Variants in GRIP1 observed in about 807,000 individuals in gnomAD.
The protein encoded by GRIP1 is glutamate receptor interacting protein 1.
GRIP1 carries 45 observed loss-of-function variants against 129.9 expected under a neutral mutation model. The observed-to-expected ratio is 0.35, with a 90% CI of 0.27 to 0.44. The LOEUF (loss-of-function observed/expected upper bound fraction) is 0.44. Ranked by LOEUF, GRIP1 falls within the 20% of genes least tolerant of loss-of-function variation. GRIP1 has a pLI of 1.00. For synonymous variants in GRIP1, 530 were observed against 520.8 expected (o/e 1.02, Z -0.24); for missense variants, 1,196 against 1,396.8 (o/e 0.86, Z 2.29).
chr12:66,553,280 C>T (rs1303384756), intron 2 of GRIP1, among the ~76,000 whole-genome samples: 1 of 152,122 alleles, frequency 6.6e-6, no homozygotes, highest in Non-Finnish European at 1.5e-5. Flanking sequence ...TATCTTCTAG[C>T]CTCACTCTGA....
chr12:66,481,649 G>A (rs930814746), intron 7 of GRIP1, among the ~76,000 whole-genome samples: 6 of 152,142 alleles, frequency 3.9e-5, no homozygotes, highest in African/African-American at 7.2e-5. Flanking sequence ...ATATGTACAC[G>A]TATGTTTCTT....
At chr12:66,749,258 C>T (rs2219872) in intron 1 of GRIP1, among the ~76,000 whole-genome samples, 14,162 of 152,300 alleles carry the variant, frequency 0.093, 807 homozygotes, top group East Asian at 0.18. Context: ...CTAACACCAA[C>T]TGGGCATAAA....
At chr12:66,856,955 A>G (rs905049122) in intron 1 of GRIP1, among the ~76,000 whole-genome samples, 3 of 152,194 alleles carry the variant, frequency 2.0e-5, no homozygotes, top group African/African-American at 7.2e-5. Flanking sequence ...TCACAATAGC[A>G]AAGACTTGGA....
rs1189782841 is a variant in GRIP1 at position 66,437,897 on chromosome 12, G to A, written c.1688-5269C>T. 9.9e-5 allele frequency among the ~76,000 whole-genome samples: 15 copies of A among 152,262 alleles called. No homozygotes were observed. In the East Asian group the frequency reaches 2.9e-3, roughly 29 times the overall value. On this transcript the variant is annotated intron_variant, in intron 13 of 24. Transcript: ENST00000359742. ...AAGAGTCAGTGCAGTGTGATATGGT[G>A]AAGAGAGACTCCAAGTCAACCGACC...
At chr12:66,628,899 C>T (rs565350479) in intron 1 of GRIP1, among the ~76,000 whole-genome samples, 1 of 152,202 alleles carries the variant, frequency 6.6e-6, no homozygotes, top group South Asian at 2.1e-4. Flanking sequence ...TATTTTTTAC[C>T]CCACCAAACT....
intron 1 of GRIP1, among the ~76,000 whole-genome samples, chr12:66,836,421 T>C (rs182496067): frequency 6.6e-6 from 1 of 152,164 alleles, no homozygotes; most frequent in Non-Finnish European, 1.5e-5. Flanking sequence ...AGCAATGACA[T>C]AGTGGCAATT....
chr12:66,742,067 A>C (rs1270418130), intron 1 of GRIP1, among the ~76,000 whole-genome samples: 1 of 152,134 alleles, frequency 6.6e-6, no homozygotes, highest in Admixed American at 6.6e-5. Context: ...TTATACAGTA[A>C]CTAGGTTATT....
intron 1 of GRIP1, among the ~76,000 whole-genome samples, chr12:67,004,316 C>A (rs1250084859): frequency 2.0e-5 from 3 of 152,148 alleles, no homozygotes; most frequent in African/African-American, 7.2e-5. Context: ...CATTTGCAGG[C>A]AGATACTACA....
At chr12:66,864,230 A>C (rs1504312) in intron 1 of GRIP1, among the ~76,000 whole-genome samples, 60,129 of 151,576 alleles carry the variant, frequency 0.4, 12,249 homozygotes, top group East Asian at 0.7. Flanking sequence ...TGTCCTCAAT[A>C]TACACCATGA....
rs957462493 is a variant in GRIP1 at position 66,377,164 on chromosome 12, C to T, written c.2733+10G>A. The stretch of plus-strand genomic sequence containing the variant: ...GAAACAATAAAAGTAAGTAGCAGGA[C>T]CAAGGCTACCTCCAGTTCTCTCAGA... On this transcript the variant is annotated intron_variant, in intron 21 of 24. Transcript: ENST00000359742. 6.3e-7 allele frequency: 1 copy of T among 1,588,330 alleles called. No individual in the cohort carries two copies. The highest frequency in any genetic ancestry group is 1.3e-5 in the African/African-American group (1 of 74,436).
In GRIP1 at chr12:66,935,079, G is replaced by A. The variant is rs568368793; in HGVS notation, c.58+133971C>T. ...TTATTGTTCTCTTGTATCCTCAGCA[G>A]CTACCTCTCTAACAAAGAGATGAAC... On this transcript the variant is annotated intron_variant, in intron 1 of 1. Coordinates refer to the GRIP1 transcript ENST00000643019. Among the ~76,000 whole-genome samples the A allele has an allele frequency of 7.9e-5, 12 of 152,276 alleles. 1 individual carries two copies. The East Asian group carries it at 2.3e-3, about 29-fold the overall frequency.
intron 1 of GRIP1, among the ~76,000 whole-genome samples, chr12:66,616,827 G>A (rs1322701334): frequency 6.6e-6 from 1 of 152,104 alleles, no homozygotes; most frequent in East Asian, 1.9e-4. Context: ...GTAGCTGTTT[G>A]AGATTCACAG....
At chr12:66,930,888 A>T (rs1295792730) in intron 1 of GRIP1, among the ~76,000 whole-genome samples, 1 of 152,178 alleles carries the variant, frequency 6.6e-6, no homozygotes, top group Non-Finnish European at 1.5e-5. Context: ...TCCCAGACTT[A>T]AAGCAAAGGG....
intron 22 of GRIP1, among the ~76,000 whole-genome samples, chr12:66,373,730 T>C (rs1201225421): frequency 1.3e-5 from 2 of 152,202 alleles, no homozygotes; most frequent in African/African-American, 4.8e-5. Context: ...AAAAAGAAAA[T>C]TATAACTGTA....
At chr12:66,807,130 G>C (rs547760475), upstream of GRIP1, among the ~76,000 whole-genome samples, 1 of 152,090 alleles carries the variant, frequency 6.6e-6, no homozygotes, top group Non-Finnish European at 1.5e-5. Context: ...CGGGTGCTCT[G>C]CCTGAGGGGT....
At chr12:66,999,556 T>C (rs541182397) in intron 1 of GRIP1, among the ~76,000 whole-genome samples, 1 of 152,284 alleles carries the variant, frequency 6.6e-6, no homozygotes, top group East Asian at 1.9e-4. Context: ...AGCAAAATTG[T>C]AAATCAAGAA....
At chr12:66,767,787 A>T (rs1221168005) in intron 1 of GRIP1, among the ~76,000 whole-genome samples, 6 of 152,292 alleles carry the variant, frequency 3.9e-5, no homozygotes, top group South Asian at 2.1e-4. Context: ...AGCTTTGTCC[A>T]CCATGGACAT....
chr12:66,625,755 G>A (rs979062304), intron 1 of GRIP1, among the ~76,000 whole-genome samples: 2 of 152,170 alleles, frequency 1.3e-5, no homozygotes, highest in South Asian at 2.1e-4. Context: ...TCTAGCAAAT[G>A]TAAGGGGTTG....
At position 66,349,014 on chromosome 12, in the gene GRIP1, C is replaced by T. The variant is rs766742242; in HGVS notation, c.*5G>A. ...GTCTTTTGTCCTGCTTTATAAAAAG[C>T]GTTGCTATAATGTATTAGTGGGTTC... On this transcript the variant is annotated 3_prime_UTR_variant, in exon 25 of 25. Transcript: ENST00000359742. The T allele has an allele frequency of 5.1e-6, 8 of 1,577,642 alleles. No homozygotes were observed. The highest frequency in any genetic ancestry group is 4.0e-5 in the African/African-American group (3 of 74,214).
Sources: gnomAD v4.1 joint callset for allele counts (sites outside exome capture counted in the v4.1 genomes callset) on GRCh38, gnomAD v4.1.1 for gene constraint, MANE v1.5 for transcripts, NCBI Gene and HGNC (gene_info 2026-07-23, HGNC 2026-07-21) for gene names.